Variants in ITPR3 observed in about 807,000 individuals in gnomAD.
The protein encoded by ITPR3 is inositol 1,4,5-trisphosphate-gated calcium channel ITPR3.
Under a neutral mutation model 293.2 loss-of-function variants are expected in ITPR3, and 173 were observed. The observed-to-expected ratio is 0.59, with a 90% CI of 0.52 to 0.67. The LOEUF is 0.67. Ranked by LOEUF, ITPR3 falls within the 30% of genes least tolerant of loss-of-function variation. The pLI is 0.00. For synonymous variants in ITPR3, 1,295 were observed against 1,444.4 expected, an observed-to-expected ratio of 0.90 and a Z score of 2.35; for missense variants, 2,796 against 3,592.1, an observed-to-expected ratio of 0.78 and a Z score of 5.66.
chr6:33,679,905 G>A lies in ITPR3; in HGVS notation c.3996G>A (p.Val1332=). 1 of 1,613,554 alleles carries A rather than the reference G, an allele frequency of 6.2e-7. No homozygotes were observed. Among genetic ancestry groups the A allele is most frequent in the Non-Finnish European group, 8.5e-7 (1 of 1,179,840 alleles). Residue 1332 remains valine, a synonymous_variant, in exon 31 of 58, where the codon GTG becomes GTA. Transcript: ENST00000605930. The surrounding 1 kb of genome is among the most constrained non-coding windows in gnomAD (Gnocchi z 4.2). ...MTELTNAGDD[V]VVFYNDKASL... is the part of the protein sequence containing the mutation. ...AGCTGACCAATGCAGGTGACGATGT[G>A]GTCGTGTTCTACAATGATAAGGCAT...
Position 33,684,004 on chromosome 6 carries a change from G to A in ITPR3, c.4789-16G>A. 6.3e-7 allele frequency: 1 copy of A among 1,586,674 alleles called. No individual in the cohort carries two copies. The highest frequency in any genetic ancestry group is 8.6e-7 in the Non-Finnish European group (1 of 1,165,368). On this transcript the variant is annotated splice_polypyrimidine_tract_variant and intron_variant, in intron 35 of 57. Transcript: ENST00000605930. The surrounding 1 kb of genome is among the most constrained non-coding windows in gnomAD (Gnocchi z 4.2). ...ATTTCTTGGGCCTGGCAATGACTCT[G>A]CCCTGCCCACCCCAGGACATCATCA...
Position 33,685,645 on chromosome 6 carries a change from C to G in ITPR3, c.5485C>G (p.Arg1829Gly). The G allele has an allele frequency of 6.3e-7, 1 of 1,583,068 alleles. No individual in the cohort carries two copies. The highest frequency in any genetic ancestry group is 8.6e-7 in the Non-Finnish European group (1 of 1,161,016). ...GCCTCACCAGGTCTCGCCCACAGGCCGCGTGGCCTCCTTCTCGATACCTGG... is the reference window on the plus strand; with the variant it reads ...GCCTCACCAGGTCTCGCCCACAGGCGGCGTGGCCTCCTTCTCGATACCTGG... ...REPVDPTTKG[R>G]VASFSIPGSS... The change falls in exon 41 of 58, where the codon CGC (arginine) becomes GGC (glycine). Residue 1829 changes from arginine (R) to glycine (G), a missense_variant and splice_region_variant. Transcript: ENST00000605930.
rs553576026 is a variant in ITPR3, at chr6:33,695,327, CTG to C, written c.7947+244_7947+245del. 241 of 574,058 alleles carry C rather than the reference CTG, an allele frequency of 4.2e-4. 2 individuals carry two copies. Among genetic ancestry groups the C allele is most frequent in the Admixed American group, 2.7e-3 (85 of 31,692 alleles). 35.6% of individuals were successfully genotyped at this position (574,058 alleles called of 1,614,324 possible). A position where few individuals can be genotyped will look rare whatever the true frequency, so the allele number is the denominator to read the frequency against. On this transcript the variant is annotated intron_variant, in intron 57 of 57. Coordinates refer to ENST00000605930, the MANE Select transcript of ITPR3 (RefSeq NM_002224.4). ...CTTTAGTACAGGGTGGTGGGGCCCT[CTG>C]TCTCTCATCCCCTTCCTCTGACAGC... is the stretch of plus-strand genomic sequence containing the variant.
rs200415325 is a variant in ITPR3, at chr6:33,650,754, A to AT, written c.161-5003dup. Among the ~76,000 whole-genome samples, 624 of 136,396 alleles carry AT rather than the reference A, an allele frequency of 4.6e-3. 3 individuals are homozygous for AT. The highest frequency in any genetic ancestry group is 0.013 in the African/African-American group (469 of 36,598). 89.5% of individuals were successfully genotyped at this position (136,396 alleles called of 152,430 possible). ...GGTTCTTTTTTCAGTCTGCTATGTC[A>AT]TTTTTTTTTATCGTTTTCTGTTCTC... On this transcript the variant is annotated intron_variant, in intron 2 of 57. Coordinates refer to ENST00000605930, the MANE Select transcript of ITPR3 (RefSeq NM_002224.4).
Position 33,672,260 on chromosome 6 carries a change from G to A in ITPR3, c.2928+32G>A, listed in dbSNP as rs753018442. ...GGGCCAGGACCGTGTGGGAGGTGTTGGGTATAGGGGGAGGGTAATGGGGCG... is the reference window on the plus strand; with the variant it reads ...GGGCCAGGACCGTGTGGGAGGTGTTAGGTATAGGGGGAGGGTAATGGGGCG... On this transcript the variant is annotated intron_variant, in intron 22 of 57. Coordinates refer to ENST00000605930, the MANE Select transcript of ITPR3 (RefSeq NM_002224.4). The surrounding 1 kb of genome is among the most constrained non-coding windows in gnomAD (Gnocchi z 5.0). 1 of 1,595,406 alleles carries A rather than the reference G, an allele frequency of 6.3e-7. No individual in the cohort carries two copies. The highest frequency in any genetic ancestry group is 1.7e-5 in the Admixed American group (1 of 59,724).
intron 1 of ITPR3, among the ~76,000 whole-genome samples, chr6:33,629,185 A>AT (rs1247251291): frequency 7.1e-6 from 1 of 140,980 alleles, no homozygotes; most frequent in Non-Finnish European, 1.5e-5. Flanking sequence ...TGATATTTGT[A>AT]TTTTTTGCTG....
chr6:33,648,997 A>G (rs2127246902), intron 2 of ITPR3, among the ~76,000 whole-genome samples: 1 of 151,710 alleles, frequency 6.6e-6, no homozygotes, highest in African/African-American at 2.4e-5. Context: ...CCTCCCAGGC[A>G]GGTTCAAGCA....
chr6:33,687,429 A>G lies in ITPR3; in HGVS notation c.6178-49A>G. ...TCGCCATTGTCGCCCCCCAGCCACC[A>G]TGTCCCCCAGCCACCACACCCTGGT... On this transcript the variant is annotated intron_variant, in intron 45 of 57. Transcript: ENST00000605930. The surrounding 1 kb of genome is among the most constrained non-coding windows in gnomAD (Gnocchi z 5.3). 6.4e-7 allele frequency: 1 copy of G among 1,551,454 alleles called. No homozygotes were observed. The highest frequency in any genetic ancestry group is 8.8e-7 in the Non-Finnish European group (1 of 1,137,500).
In ITPR3 at chr6:33,695,745, G is replaced by C; in HGVS notation, c.7981G>C (p.Gly2661Arg). 6.2e-7 allele frequency: 1 copy of C among 1,614,184 alleles called. No individual in the cohort carries two copies. Among genetic ancestry groups the C allele is most frequent in the Non-Finnish European group, 8.5e-7 (1 of 1,180,044 alleles). ...GCAGCGGAAACGCAGGCAACGCCTA[G>C]GCTTTGTGGATGTCCAGAACTGCAT... ...TEQRKRRQRLGFVDVQNCISR is the reference protein window; with the variant it reads ...TEQRKRRQRLRFVDVQNCISR Residue 2661 changes from glycine to arginine, a missense_variant, in exon 58 of 58, where the codon GGC becomes CGC. Physicochemically the swap from Gly to Arg is moderately radical, Grantham distance 125. Around this residue, in one of 8 missense-constraint regions of ITPR3, gnomAD observed 568 missense variants for 796.1 expected, o/e 0.71. Coordinates refer to ENST00000605930, the MANE Select transcript of ITPR3 (RefSeq NM_002224.4).
Position 33,685,643 on chromosome 6 carries a change from G to T in ITPR3, c.5483G>T (p.Gly1828Val). 6.3e-7 allele frequency: 1 copy of T among 1,582,286 alleles called. No homozygotes were observed. Among genetic ancestry groups the T allele is most frequent in the Non-Finnish European group, 8.6e-7 (1 of 1,160,442 alleles). Residue 1828 changes from glycine (G) to valine (V), a missense_variant and splice_region_variant, in exon 41 of 58, where the codon GGC becomes GTC. By Grantham distance (109) the Gly-to-Val change is moderately radical (BLOSUM62 -3). Around this residue, in one of 8 missense-constraint regions of ITPR3, gnomAD observed 704 missense variants for 797.5 expected, o/e 0.88. Transcript: ENST00000605930. ...DREPVDPTTK[G>V]RVASFSIPGS... Reference sequence around the variant, plus strand: ...CAGCCTCACCAGGTCTCGCCCACAGGCCGCGTGGCCTCCTTCTCGATACCT... The same window carrying T: ...CAGCCTCACCAGGTCTCGCCCACAGTCCGCGTGGCCTCCTTCTCGATACCT...
In ITPR3 at chr6:33,679,871, C is replaced by T; in HGVS notation, c.3973-11C>T. The T allele has an allele frequency of 6.2e-7, 1 of 1,605,798 alleles. No individual in the cohort carries two copies. On this transcript the variant is annotated splice_polypyrimidine_tract_variant and intron_variant, in intron 30 of 57. Transcript: ENST00000605930. The surrounding 1 kb of genome is among the most constrained non-coding windows in gnomAD (Gnocchi z 4.2). ...CGAGAGAGTGTGACACGTGCCCCCT[C>T]CCACCCGCAGCTGACCAATGCAGGT...
Position 33,657,984 on chromosome 6 carries a change from A to G in ITPR3, c.335A>G (p.His112Arg), listed in dbSNP as rs780360454. The part of the protein sequence containing the change: ...KQNDTENKKV[H>R]GDVVKYGSVI... ...AATGACACGGAGAACAAGAAGGTGC[A>G]TGGGGATGTCGTGAAGTATGGCAGT... The change falls in exon 4 of 58, where the codon CAT becomes CGT. Residue 112 changes from histidine to arginine, a missense_variant. Coordinates refer to ENST00000605930, the MANE Select transcript of ITPR3 (RefSeq NM_002224.4). 5.6e-6 allele frequency: 9 copies of G among 1,613,900 alleles called. No individual in the cohort carries two copies. Among genetic ancestry groups the G allele is most frequent in the South Asian group, 1.1e-5 (1 of 91,066 alleles).
chr6:33,659,060 G>T lies in ITPR3; in HGVS notation c.568G>T (p.Ala190Ser). Residue 190 changes from alanine (A) to serine (S), a missense_variant, in exon 6 of 58, where the codon GCC becomes TCC. Coordinates refer to ENST00000605930, the MANE Select transcript of ITPR3 (RefSeq NM_002224.4). Reference protein sequence around the residue: ...GDKVILNPVNAGQPLHASNYE... With the variant: ...GDKVILNPVNSGQPLHASNYE... The stretch of plus-strand genomic sequence containing the variant: ...CAAGGTGATCCTGAATCCTGTCAAT[G>T]CCGGGCAGCCTCTGCATGCCAGCAA... 1 of 1,614,134 alleles carries T rather than the reference G, an allele frequency of 6.2e-7. No individual in the cohort carries two copies. The highest frequency in any genetic ancestry group is 8.5e-7 in the Non-Finnish European group (1 of 1,179,996).
At chr6:33,686,002 T>C in intron 41 of ITPR3, 51 bp from the exon 42 acceptor site, 1 of 1,598,822 alleles carries the variant, frequency 6.3e-7, no homozygotes, top group Non-Finnish European at 8.6e-7. Context: ...CAGGCCAGCC[T>C]CCCTCTCCGT....
chr6:33,657,125 G>C (rs999942), intron 3 of ITPR3, among the ~76,000 whole-genome samples: 30,726 of 152,118 alleles, frequency 0.2, 3,756 homozygotes, highest in South Asian at 0.29. Context: ...CCATGGCAAG[G>C]CTCTCCTGCT....
At chr6:33,665,362 C>A in intron 13 of ITPR3, 149 bp downstream of exon 13, 1 of 1,055,058 alleles carries the variant, frequency 9.5e-7, no homozygotes, top group Non-Finnish European at 1.3e-6. Flanking sequence ...GAGCCTGGGA[C>A]CCTGGAGTTG....
rs1360313502 is a variant in ITPR3 at position 33,633,843 on chromosome 6, G to C, written c.90-6641G>C. Among the ~76,000 whole-genome samples the C allele has an allele frequency of 6.8e-6, 1 of 146,224 alleles. No individual in the cohort carries two copies. Among genetic ancestry groups the C allele is most frequent in the Non-Finnish European group, 1.5e-5 (1 of 65,852 alleles). ...GGCGGGCGCGGGGCGGGCGCGGGGC[G>C]GGGCCGGGCCGGGCCGGGGCGGGGC... On this transcript the variant is annotated intron_variant, in intron 1 of 57. Transcript: ENST00000605930. The surrounding 1 kb of genome is among the most constrained non-coding windows in gnomAD (Gnocchi z 5.2).
chr6:33,640,800 A>G (rs1481057854), intron 2 of ITPR3, among the ~76,000 whole-genome samples: 4 of 152,314 alleles, frequency 2.6e-5, no homozygotes, highest in Non-Finnish European at 4.4e-5. Context: ...ACTTCTGGCC[A>G]GGGGCCCATT....
At position 33,685,774 on chromosome 6, in the gene ITPR3, C is replaced by T; in HGVS notation, c.5614C>T (p.Pro1872Ser). 6.3e-7 allele frequency: 1 copy of T among 1,598,596 alleles called. No homozygotes were observed. The highest frequency in any genetic ancestry group is 1.1e-5 in the South Asian group (1 of 89,746). ...EMGTSVLIMQ[P>S]ILRFLQLLCE... Reference sequence around the variant, plus strand: ...GGGCACATCCGTGCTCATCATGCAGCCCATCCTGCGCTTTCTGCAGCTGCT... The same window carrying T: ...GGGCACATCCGTGCTCATCATGCAGTCCATCCTGCGCTTTCTGCAGCTGCT... The change falls in exon 41 of 58, where the codon CCC becomes TCC. Residue 1872 changes from proline (P) to serine (S), a missense_variant. Coordinates refer to ENST00000605930, the MANE Select transcript of ITPR3 (RefSeq NM_002224.4).
Sources: gnomAD v4.1 joint callset for allele counts (sites outside exome capture counted in the v4.1 genomes callset) on GRCh38, gnomAD v4.1.1 for gene constraint, gnomAD v4.1.1 regional missense constraint, Gnocchi (gnomAD v3.1) non-coding constraint, MANE v1.5 for transcripts, NCBI Gene and HGNC (gene_info 2026-07-23, HGNC 2026-07-21) for gene names.